Variants in NFAM1 observed in about 807,000 individuals in gnomAD.
NFAM1 encodes NFAT activation molecule 1.
A neutral mutation model predicts 29.0 loss-of-function variants in NFAM1; 17 were observed. The ratio of observed to expected loss-of-function variants is 0.59; its 90% CI spans 0.40 to 0.88. The LOEUF is 0.88. Ranked by LOEUF, NFAM1 falls within the 40% of genes least tolerant of loss-of-function variation. The pLI is 0.00. For missense variants in NFAM1, 324 were observed against 344.6 expected (o/e 0.94, Z 0.47); for synonymous variants, 175 against 147.2 (o/e 1.19, Z -1.36).
intron 5 of NFAM1, 91 bp downstream of exon 5, chr22:42,386,898 C>G (rs1484655806): frequency 1.1e-5 from 8 of 698,972 alleles, no homozygotes; most frequent in Admixed American, 8.8e-5. Flanking sequence ...AGGTGGCTCA[C>G]TTCCATGTCC....
At chr22:42,431,882 G>A (rs1420105474) in intron 1 of NFAM1, among the ~76,000 whole-genome samples, 1 of 148,770 alleles carries the variant, frequency 6.7e-6, no homozygotes, top group East Asian at 2.0e-4. Flanking sequence ...CAGCAGCCAC[G>A]TGAGGTTCCT....
chr22:42,421,658 C>A (rs143004159), intron 1 of NFAM1, among the ~76,000 whole-genome samples: 1 of 152,108 alleles, frequency 6.6e-6, no homozygotes, highest in East Asian at 1.9e-4. Flanking sequence ...GCATCAAGCG[C>A]GCGTTGTCAG....
upstream of NFAM1, among the ~76,000 whole-genome samples, chr22:42,434,210 C>T (rs1376632100): frequency 6.6e-6 from 1 of 152,170 alleles, no homozygotes; most frequent in Non-Finnish European, 1.5e-5. Context: ...TGCCTGTCTT[C>T]CTCCCCTCTC....
At chr22:42,400,022 CCT>C (rs1929674563) in intron 3 of NFAM1, among the ~76,000 whole-genome samples, 1 of 152,220 alleles carries the variant, frequency 6.6e-6, no homozygotes, top group Non-Finnish European at 1.5e-5. Flanking sequence ...ATCTTTCCAT[CCT>C]CTCTGTTCTG....
intron 4 of NFAM1, among the ~76,000 whole-genome samples, chr22:42,393,712 A>C (rs1439518616): frequency 6.7e-6 from 1 of 150,354 alleles, no homozygotes; most frequent in Non-Finnish European, 1.5e-5. Flanking sequence ...CACTGCACCC[A>C]GCCAAAAAAA....
intron 1 of NFAM1, among the ~76,000 whole-genome samples, chr22:42,430,613 A>T (rs1441279449): frequency 1.3e-5 from 2 of 148,962 alleles, no homozygotes; most frequent in Non-Finnish European, 3.0e-5. Flanking sequence ...GCTCCAAGGG[A>T]CTCTAGGACA....
chr22:42,423,645 G>A (rs1043746138), intron 1 of NFAM1, among the ~76,000 whole-genome samples: 2 of 152,098 alleles, frequency 1.3e-5, no homozygotes, highest in Admixed American at 6.6e-5. Context: ...CTTGAGTCCA[G>A]GAGTTTGAGG....
Position 42,432,328 on chromosome 22 carries a change from G to T in NFAM1, c.30C>A (p.Ala10=). The T allele has an allele frequency of 6.3e-7, 1 of 1,577,902 alleles. No individual in the cohort carries two copies. The highest frequency in any genetic ancestry group is 8.6e-7 in the Non-Finnish European group (1 of 1,161,906). The change falls in exon 1 of 6, where the codon GCC becomes GCA. Residue 10 remains alanine (A), a synonymous_variant. Coordinates refer to ENST00000329021, the MANE Select transcript of NFAM1 (RefSeq NM_145912.8). ...CAGGAGGGCGTGGGAGGCCTGGCAG[G>T]GCCCGCCACCTCACAGGCTGGTTCT... MENQPVRWR[A]LPGLPRPPGL...
intron 4 of NFAM1, among the ~76,000 whole-genome samples, chr22:42,387,307 T>C (rs924900992): frequency 6.6e-6 from 1 of 152,052 alleles, no homozygotes; most frequent in Non-Finnish European, 1.5e-5. Context: ...TAACCTCCCT[T>C]AAGGACCTCC....
At chr22:42,431,092 C>G (rs918800713) in intron 1 of NFAM1, among the ~76,000 whole-genome samples, 3 of 152,198 alleles carry the variant, frequency 2.0e-5, no homozygotes, top group Non-Finnish European at 4.4e-5. Flanking sequence ...GTAAGAGGAT[C>G]CTCTGAGCCT....
intron 1 of NFAM1, among the ~76,000 whole-genome samples, chr22:42,423,714 A>G (rs1366901310): frequency 1.5e-5 from 2 of 137,352 alleles, no homozygotes; most frequent in African/African-American, 2.8e-5. Flanking sequence ...ATGAAACCCC[A>G]TCCCTCTTTT....
chr22:42,399,121 G>A (rs897809150), intron 3 of NFAM1, among the ~76,000 whole-genome samples: 4 of 152,154 alleles, frequency 2.6e-5, no homozygotes, highest in African/African-American at 9.7e-5. Context: ...AGGTGCCAAG[G>A]CCTGGAGGTC....
intron 1 of NFAM1, among the ~76,000 whole-genome samples, chr22:42,425,700 C>G: frequency 6.6e-6 from 1 of 152,208 alleles, no homozygotes; most frequent in East Asian, 1.9e-4. Flanking sequence ...CTCTCTTTGA[C>G]CTTCCCTCCT....
chr22:42,435,109 C>A (rs774276420), upstream of NFAM1, among the ~76,000 whole-genome samples: 18 of 152,198 alleles, frequency 1.2e-4, no homozygotes, highest in Non-Finnish European at 2.2e-4. Context: ...CAGTTTAATC[C>A]TCACTGCAGC....
chr22:42,389,907 G>T (rs113886705), intron 4 of NFAM1, among the ~76,000 whole-genome samples: 333 of 152,312 alleles, frequency 2.2e-3, no homozygotes, highest in African/African-American at 7.2e-3. Context: ...CTGGGCATTG[G>T]GGGTGATGGG....
At chr22:42,413,735 T>C (rs919900082) in intron 1 of NFAM1, among the ~76,000 whole-genome samples, 4 of 152,106 alleles carry the variant, frequency 2.6e-5, no homozygotes, top group African/African-American at 9.7e-5. Context: ...AGCCCTCATC[T>C]ATATAACAAC....
At chr22:42,399,545 C>T (rs572304694) in intron 3 of NFAM1, among the ~76,000 whole-genome samples, 3 of 151,740 alleles carry the variant, frequency 2.0e-5, no homozygotes, top group East Asian at 1.9e-4. Flanking sequence ...GCAGGCGTGG[C>T]GTGGCCGTGC....
chr22:42,432,333 G>T lies in NFAM1; in HGVS notation c.25C>A (p.Arg9=). The T allele has an allele frequency of 1.3e-6, 2 of 1,578,064 alleles. No homozygotes were observed. Among genetic ancestry groups the T allele is most frequent in the Non-Finnish European group, 1.7e-6 (2 of 1,162,126 alleles). The change falls in exon 1 of 6, where the codon CGG becomes AGG. Residue 9 remains arginine (R), a synonymous_variant. Coordinates refer to ENST00000329021, the MANE Select transcript of NFAM1 (RefSeq NM_145912.8). MENQPVRW[R]ALPGLPRPPG... ...GGGCGTGGGAGGCCTGGCAGGGCCC[G>T]CCACCTCACAGGCTGGTTCTCCATC...
Position 42,432,392 on chromosome 22 carries a change from TCACAGGAG to T in NFAM1, c.-43_-36del. The T allele has an allele frequency of 1.3e-6, 2 of 1,521,972 alleles. No individual in the cohort carries two copies. Among genetic ancestry groups the T allele is most frequent in the South Asian group, 2.6e-5 (2 of 78,172 alleles). The allele number at this position is 1,521,972 out of a possible 1,614,324, so 94.3% of individuals were successfully genotyped here. ...TGCTTGTCTGCGGCGACTCTTTAGTTCACAGGAGGGGACGGCCGGCGCTGACAGCTTCC... is the reference window on the plus strand; with the variant it reads ...TGCTTGTCTGCGGCGACTCTTTAGTTGGGACGGCCGGCGCTGACAGCTTCC... On this transcript the variant is annotated 5_prime_UTR_variant, in exon 1 of 6. Coordinates refer to ENST00000329021, the MANE Select transcript of NFAM1 (RefSeq NM_145912.8).
Sources: gnomAD v4.1 joint callset for allele counts (sites outside exome capture counted in the v4.1 genomes callset) on GRCh38, gnomAD v4.1.1 for gene constraint, MANE v1.5 for transcripts, NCBI Gene and HGNC (gene_info 2026-07-23, HGNC 2026-07-21) for gene names.